Variants in PLEKHA7 observed in about 807,000 individuals in gnomAD.
The protein encoded by PLEKHA7 is pleckstrin homology domain containing A7.
A neutral mutation model predicts 170.0 loss-of-function variants in PLEKHA7; 104 were observed. The observed-to-expected ratio is 0.61, with a 90% CI of 0.52 to 0.72. PLEKHA7 has a LOEUF of 0.72. PLEKHA7 is among the 30% of genes least tolerant of loss of function. The probability of loss-of-function intolerance (pLI) is 0.00; values close to 1 mark genes in which losing one functional copy is unlikely to be tolerated. For synonymous variants in PLEKHA7, 648 were observed against 660.8 expected, an observed-to-expected ratio of 0.98 and a Z score of 0.30; for missense variants, 1,615 against 1,671.7, an observed-to-expected ratio of 0.97 and a Z score of 0.59.
intron 4 of PLEKHA7, among the ~76,000 whole-genome samples, chr11:16,860,467 A>G (rs1853855746): frequency 6.6e-6 from 1 of 152,202 alleles, no homozygotes; most frequent in Non-Finnish European, 1.5e-5. Flanking sequence ...AGTGGTCACC[A>G]AGACAATGAT....
At chr11:16,824,675 T>C (rs1397532834) in intron 10 of PLEKHA7, among the ~76,000 whole-genome samples, 3 of 152,202 alleles carry the variant, frequency 2.0e-5, no homozygotes, top group African/African-American at 7.2e-5. Context: ...ACTACTGCAA[T>C]AGCCTCCTTC....
chr11:16,990,178 A>C (rs1863947049), intron 3 of PLEKHA7, among the ~76,000 whole-genome samples: 1 of 151,466 alleles, frequency 6.6e-6, no homozygotes, highest in African/African-American at 2.4e-5. Context: ...AAAAATAAAA[A>C]TAAAAATAAA....
In PLEKHA7 at chr11:16,854,946, C is replaced by T. The variant is rs1377102519; in HGVS notation, c.465G>A (p.Gln155=). ...SKVHSFGKRD[Q]AIRRNPNVPV... is the part of the protein sequence containing the mutation. The stretch of plus-strand genomic sequence containing the variant: ...GAACATTGGGGTTCCTCCGAATGGC[C>T]TGGTCTCTCTTCCCAAAGCTGTGGA... Residue 155 remains glutamine (Q), a synonymous_variant, in exon 6 of 27, where the codon CAG becomes CAA. Coordinates refer to ENST00000531066, the MANE Select transcript of PLEKHA7 (RefSeq NM_001329630.2). 6 of 1,614,000 alleles carry T rather than the reference C, an allele frequency of 3.7e-6. No homozygotes were observed. The highest frequency in any genetic ancestry group is 4.2e-6 in the Non-Finnish European group (5 of 1,180,024).
chr11:16,849,488 A>G (rs559935718), intron 8 of PLEKHA7, among the ~76,000 whole-genome samples: 1 of 152,374 alleles, frequency 6.6e-6, no homozygotes, highest in South Asian at 2.1e-4. Context: ...AGAGTCAGGA[A>G]TAAGTTTCTA....
chr11:16,796,773 G>T (rs2134312133), intron 17 of PLEKHA7, among the ~76,000 whole-genome samples: 1 of 152,160 alleles, frequency 6.6e-6, no homozygotes, highest in African/African-American at 2.4e-5. Context: ...CTCTCGCCTT[G>T]GCCTCCCAAG....
intron 3 of PLEKHA7, among the ~76,000 whole-genome samples, chr11:16,906,853 C>T (rs28588305): frequency 1.4e-5 from 2 of 137,986 alleles, no homozygotes; most frequent in Non-Finnish European, 3.0e-5. Context: ...CATCTCTGCC[C>T]GGCCGCCATC....
intron 3 of PLEKHA7, among the ~76,000 whole-genome samples, chr11:16,961,212 C>G (rs572525411): frequency 6.6e-6 from 1 of 152,346 alleles, no homozygotes; most frequent in Non-Finnish European, 1.5e-5. Context: ...TCCCCATCCC[C>G]AGTCCCAGCT....
intron 3 of PLEKHA7, among the ~76,000 whole-genome samples, chr11:16,937,563 G>T (rs965568572): frequency 6.6e-6 from 1 of 151,814 alleles, no homozygotes; most frequent in Non-Finnish European, 1.5e-5. Flanking sequence ...TTAACTTAAA[G>T]AAACAAACTA....
intron 4 of PLEKHA7, among the ~76,000 whole-genome samples, chr11:16,863,721 G>A (rs944537647): frequency 1.3e-5 from 2 of 152,020 alleles, no homozygotes; most frequent in African/African-American, 2.4e-5. Context: ...TCCTGTACAC[G>A]GGCACCAAAC....
In PLEKHA7 at chr11:16,871,112, T is replaced by A; in HGVS notation, c.292A>T (p.Ile98Phe). 1.3e-6 allele frequency: 2 copies of A among 1,598,358 alleles called. No homozygotes were observed. Reference protein sequence around the residue: ...GQFSPENSEFILQEEPNPHMS... With the variant: ...GQFSPENSEFFLQEEPNPHMS... ...AAAAAGACTTACTCTTCTTGAAGAA[T>A]GAATTCACTATTTTCTGGAGAAAAC... The change falls in exon 4 of 27, where the codon ATT becomes TTT. Residue 98 changes from isoleucine (I) to phenylalanine (F), a missense_variant. By Grantham distance (21) the Ile-to-Phe change is conservative. Coordinates refer to ENST00000531066, the MANE Select transcript of PLEKHA7 (RefSeq NM_001329630.2).
intron 3 of PLEKHA7, among the ~76,000 whole-genome samples, chr11:16,892,616 C>CTTTTTT (rs1479729633): frequency 6.0e-5 from 5 of 82,856 alleles, no homozygotes; most frequent in African/African-American, 1.5e-4. Flanking sequence ...CAGCTTCCAG[C>CTTTTTT]TTCTTTTTTT....
intron 4 of PLEKHA7, among the ~76,000 whole-genome samples, chr11:16,869,268 C>T (rs1854641569): frequency 2.0e-5 from 3 of 152,242 alleles, no homozygotes; most frequent in Admixed American, 6.5e-5. Flanking sequence ...TGTCATCTCC[C>T]ATGGACCACC....
intron 3 of PLEKHA7, among the ~76,000 whole-genome samples, chr11:16,878,019 G>C (rs957882338): frequency 6.6e-6 from 1 of 152,160 alleles, no homozygotes; most frequent in Non-Finnish European, 1.5e-5. Context: ...GGCAAGAATA[G>C]AATGAGCCTC....
chr11:16,900,723 C>T (rs1565091980), intron 3 of PLEKHA7, among the ~76,000 whole-genome samples: 1 of 152,166 alleles, frequency 6.6e-6, no homozygotes, highest in Admixed American at 6.5e-5. Context: ...TCAATTCCAA[C>T]ATCAGTTCAG....
At chr11:16,824,687 T>C (rs529484640) in intron 10 of PLEKHA7, among the ~76,000 whole-genome samples, 134 of 152,388 alleles carry the variant, frequency 8.8e-4, no homozygotes, top group Non-Finnish European at 1.5e-3. Context: ...GCCTCCTTCC[T>C]AGGCTCTTAC....
At chr11:16,956,575 C>T (rs1861714839) in intron 3 of PLEKHA7, among the ~76,000 whole-genome samples, 2 of 152,198 alleles carry the variant, frequency 1.3e-5, no homozygotes, top group South Asian at 2.1e-4. Context: ...TAATCCCACG[C>T]TCACAATGCC....
chr11:16,781,798 C>A (rs908156196), intron 26 of PLEKHA7, among the ~76,000 whole-genome samples: 1 of 152,128 alleles, frequency 6.6e-6, no homozygotes, highest in East Asian at 1.9e-4. Flanking sequence ...AGGACCCTGC[C>A]GGCCACATCC....
chr11:16,860,959 T>G (rs1853895938), intron 4 of PLEKHA7, among the ~76,000 whole-genome samples: 1 of 152,160 alleles, frequency 6.6e-6, no homozygotes, highest in African/African-American at 2.4e-5. Context: ...TGGATTGAAA[T>G]GACACTGAAA....
At chr11:16,905,921 C>T (rs1857628644) in intron 3 of PLEKHA7, among the ~76,000 whole-genome samples, 1 of 152,244 alleles carries the variant, frequency 6.6e-6, no homozygotes. Context: ...TCAGCCAAAA[C>T]TCAGGCCTTA....
Sources: gnomAD v4.1 joint callset for allele counts (sites outside exome capture counted in the v4.1 genomes callset) on GRCh38, gnomAD v4.1.1 for gene constraint, MANE v1.5 for transcripts, NCBI Gene and HGNC (gene_info 2026-07-23, HGNC 2026-07-21) for gene names.